The following GPC5 variants were observed in gnomAD, a reference collection of about 807,000 sequenced individuals.
GPC5 encodes glypican-5.
GPC5 carries 47 observed loss-of-function variants against 53.9 expected under a neutral mutation model. That is an observed-to-expected ratio of 0.87 (90% CI 0.69 to 1.11). The LOEUF (loss-of-function observed/expected upper bound fraction) is 1.11, where lower values mean the gene tolerates loss of function less well. Among genes scored for constraint, GPC5 ranks in the 50% most tolerant of loss-of-function variants. The pLI is 0.00. For missense variants in GPC5, 748 were observed against 713.1 expected (o/e 1.05, Z -0.56); for synonymous variants, 286 against 263.3 (o/e 1.09, Z -0.84).
At chr13:92,701,584 C>T (rs997065431) in intron 7 of GPC5, 5 of 152,076 alleles carry the variant, frequency 3.3e-5, no homozygotes, top group African/African-American at 7.2e-5. Flanking sequence ...ATCAATCCAG[C>T]TGCATATTGA....
At chr13:91,942,979 A>C (rs2039941811) in intron 6 of GPC5, among the ~76,000 whole-genome samples, 11 of 152,146 alleles carry the variant, frequency 7.2e-5, no homozygotes, top group Admixed American at 7.2e-4. Flanking sequence ...TATATCATTC[A>C]TTAATAAGGA....
intron 7 of GPC5, among the ~76,000 whole-genome samples, chr13:92,286,210 G>A (rs1004708639): frequency 2.0e-5 from 3 of 152,162 alleles, no homozygotes; most frequent in East Asian, 1.9e-4. Context: ...CAGTTAGAAT[G>A]GTGATCATTA....
chr13:92,357,504 A>G (rs1255556332), intron 7 of GPC5, among the ~76,000 whole-genome samples: 3 of 151,748 alleles, frequency 2.0e-5, no homozygotes, highest in African/African-American at 7.3e-5. Flanking sequence ...GGCCACATAT[A>G]TGTCATCTTT....
intron 7 of GPC5, among the ~76,000 whole-genome samples, chr13:92,288,144 C>T (rs1332427915): frequency 3.3e-5 from 5 of 151,830 alleles, no homozygotes; most frequent in Admixed American, 1.3e-4. Flanking sequence ...CTCTTTAATT[C>T]ATGTTTCTGT....
At chr13:92,248,882 C>T (rs1021580148) in intron 7 of GPC5, among the ~76,000 whole-genome samples, 15 of 151,994 alleles carry the variant, frequency 9.9e-5, no homozygotes, top group African/African-American at 3.1e-4. Flanking sequence ...TCAATAACAT[C>T]ATTTACATTT....
chr13:92,046,062 G>A lies in GPC5; in HGVS notation c.1402-98768G>A, dbSNP rs187575139. On this transcript the variant is annotated intron_variant, in intron 6 of 7. Transcript: ENST00000377067. Reference sequence around the variant, plus strand: ...GGAGGCGGCAGTTGCAGTGACCCAAGATCGCACCACCGCACTCCACACTCC... The same window carrying A: ...GGAGGCGGCAGTTGCAGTGACCCAAAATCGCACCACCGCACTCCACACTCC... Among the ~76,000 whole-genome samples the A allele has an allele frequency of 3.6e-3, 541 of 150,388 alleles. 5 individuals carry two copies. Among genetic ancestry groups the A allele is most frequent in the African/African-American group, 0.013 (512 of 40,836 alleles).
rs114982732 is a variant in GPC5, at chr13:92,453,375, C to A, written c.1561+308386C>A. Among the ~76,000 whole-genome samples the A allele has an allele frequency of 9.0e-3, 1,363 of 151,864 alleles. 25 individuals carry two copies. Among genetic ancestry groups the A allele is most frequent in the African/African-American group, 0.031 (1,284 of 41,400 alleles). On this transcript the variant is annotated intron_variant, in intron 7 of 7. Transcript: ENST00000377067. The stretch of plus-strand genomic sequence containing the variant: ...CCAAATCAGCATGTAGGGTACTTCT[C>A]GGTTGTGGTATGAACATTAACATGG...
chr13:91,833,176 C>A (rs1019099891), intron 5 of GPC5, among the ~76,000 whole-genome samples: 4 of 152,112 alleles, frequency 2.6e-5, no homozygotes, highest in Non-Finnish European at 4.4e-5. Context: ...CACATACACC[C>A]TCCCAAGACT....
intron 7 of GPC5, among the ~76,000 whole-genome samples, chr13:92,437,525 A>G (rs1235517254): frequency 6.6e-6 from 1 of 152,170 alleles, no homozygotes; most frequent in Non-Finnish European, 1.5e-5. Context: ...CAAAAAATAG[A>G]AAAGTTTACA....
At chr13:92,165,968 A>T (rs1286022184) in intron 7 of GPC5, among the ~76,000 whole-genome samples, 1 of 152,230 alleles carries the variant, frequency 6.6e-6, no homozygotes, top group Non-Finnish European at 1.5e-5. Context: ...ACTTCAGCCA[A>T]GAATAACGTT....
At chr13:91,439,806 C>G (rs1214107974) in intron 1 of GPC5, among the ~76,000 whole-genome samples, 3 of 152,158 alleles carry the variant, frequency 2.0e-5, no homozygotes, top group African/African-American at 7.2e-5. Context: ...TCACCCTAGT[C>G]CTAACTCTCA....
chr13:91,650,750 G>GTTTTGTTTTGTTTTT lies in GPC5; in HGVS notation c.326-42433_326-42432insGTTTTGTTTTTTTTT, dbSNP rs1555333961. Among the ~76,000 whole-genome samples the GTTTTGTTTTGTTTTT allele has an allele frequency of 3.6e-3, 356 of 99,590 alleles. 7 individuals carry two copies. The highest frequency in any genetic ancestry group is 0.013 in the African/African-American group (324 of 24,658). The allele number at this position is 99,590 out of a possible 152,430, so 65.3% of individuals were successfully genotyped here. On this transcript the variant is annotated intron_variant, in intron 2 of 7. Transcript: ENST00000377067. Reference sequence around the variant, plus strand: ...CATCTGTGAAACAAAATTCCCATAAGTTTTTTTTTTTTTTTTTTTTTTAGC... The same window carrying GTTTTGTTTTGTTTTT: ...CATCTGTGAAACAAAATTCCCATAAGTTTTGTTTTGTTTTTTTTTTTTTTTTTTTTTTTTTTTAGC...
At chr13:91,503,212 A>T (rs1316678809) in intron 2 of GPC5, among the ~76,000 whole-genome samples, 1 of 152,206 alleles carries the variant, frequency 6.6e-6, no homozygotes, top group East Asian at 1.9e-4. Flanking sequence ...ATACACTCAG[A>T]GGAATGGTAG....
chr13:91,977,114 T>C (rs2040310612), intron 6 of GPC5, among the ~76,000 whole-genome samples: 2 of 151,864 alleles, frequency 1.3e-5, no homozygotes, highest in Admixed American at 1.3e-4. Flanking sequence ...TTTATGTTTA[T>C]CCAAAAAACA....
intron 6 of GPC5, among the ~76,000 whole-genome samples, chr13:92,137,503 TTAATGA>T (rs1383950268): frequency 3.9e-5 from 6 of 152,366 alleles, no homozygotes; most frequent in Admixed American, 6.5e-5. Context: ...TATAACGATC[TTAATGA>T]TAAAGTTAAC....
chr13:91,658,875 C>CTCAGCT lies in GPC5; in HGVS notation c.326-34311_326-34306dup, dbSNP rs368234013. Among the ~76,000 whole-genome samples, 1,106 of 152,288 alleles carry CTCAGCT rather than the reference C, an allele frequency of 7.3e-3. 11 individuals carry two copies. Among genetic ancestry groups the CTCAGCT allele is most frequent in the African/African-American group, 0.025 (1,046 of 41,540 alleles). On this transcript the variant is annotated intron_variant, in intron 2 of 7. Transcript: ENST00000377067. ...CTGCCTTCTGCTCTGATCTTTAGAT[C>CTCAGCT]TCAGCTCATGACACTAGTGGCAGAA...
chr13:91,982,457 A>G (rs2040367965), intron 6 of GPC5, among the ~76,000 whole-genome samples: 1 of 152,190 alleles, frequency 6.6e-6, no homozygotes, highest in South Asian at 2.1e-4. Context: ...ATGAAACAAA[A>G]TAATAAAAAA....
chr13:92,373,277 A>C (rs1475099930), intron 7 of GPC5, among the ~76,000 whole-genome samples: 1 of 152,210 alleles, frequency 6.6e-6, no homozygotes, highest in Non-Finnish European at 1.5e-5. Context: ...TAAGGAAAAA[A>C]TAGAAAAATG....
chr13:92,047,651 C>T (rs918679373), intron 6 of GPC5, among the ~76,000 whole-genome samples: 9 of 151,224 alleles, frequency 6.0e-5, no homozygotes, highest in Admixed American at 5.9e-4. Context: ...CATATTTAAA[C>T]TAGTAAGTTT....
Sources: gnomAD v4.1 joint callset for allele counts (sites outside exome capture counted in the v4.1 genomes callset) on GRCh38, gnomAD v4.1.1 for gene constraint, MANE v1.5 for transcripts, NCBI Gene and HGNC (gene_info 2026-07-23, HGNC 2026-07-21) for gene names.